Variants in CLDN16 observed in about 807,000 individuals in gnomAD.
CLDN16 encodes the protein claudin-16.
CLDN16 carries 13 observed loss-of-function variants against 24.6 expected under a neutral mutation model. The observed-to-expected ratio is 0.53, with a 90% CI of 0.34 to 0.84. The LOEUF (loss-of-function observed/expected upper bound fraction) is 0.84. CLDN16 is among the 40% of genes least tolerant of loss of function. The pLI is 0.01. For missense variants in CLDN16, 298 were observed against 292.7 expected (o/e 1.02, Z -0.13); for synonymous variants, 116 against 106.7 (o/e 1.09, Z -0.54).
chr3:190,371,909 C>T (rs538457939), intron 2 of CLDN16, among the ~76,000 whole-genome samples: 60 of 152,034 alleles, frequency 3.9e-4, no homozygotes, highest in South Asian at 1.5e-3. Flanking sequence ...CCCAGGTCAC[C>T]GAACATCTAC....
the CLDN16 span, among the ~76,000 whole-genome samples, chr3:190,296,856 T>C: frequency 6.6e-6 from 1 of 152,234 alleles, no homozygotes; most frequent in East Asian, 1.9e-4. Flanking sequence ...GGCCCAGATT[T>C]AATTTTAAGT....
chr3:190,370,442 A>G (rs62278670), intron 1 of CLDN16, among the ~76,000 whole-genome samples: 51,162 of 151,822 alleles, frequency 0.34, 9,276 homozygotes, highest in Middle Eastern at 0.53. Flanking sequence ...CATCTTGGTT[A>G]TCATCACTAC....
At chr3:190,331,336 C>T (rs1054868581) in intron 1 of CLDN16, among the ~76,000 whole-genome samples, 2 of 152,154 alleles carry the variant, frequency 1.3e-5, no homozygotes, top group African/African-American at 4.8e-5. Flanking sequence ...CTAAACACAG[C>T]TCCAGGATTT....
intron 3 of CLDN16, among the ~76,000 whole-genome samples, chr3:190,379,205 C>T (rs1174741457): frequency 6.6e-6 from 1 of 152,034 alleles, no homozygotes; most frequent in Non-Finnish European, 1.5e-5. Context: ...CTGAAGTGTA[C>T]CTTGGACTGA....
At chr3:190,399,183 T>A (rs1361999451) in intron 1 of CLDN16, among the ~76,000 whole-genome samples, 2 of 152,192 alleles carry the variant, frequency 1.3e-5, no homozygotes, top group Admixed American at 1.3e-4. Flanking sequence ...TACTTTATTT[T>A]AAAATGGATT....
upstream of CLDN16, among the ~76,000 whole-genome samples, chr3:190,319,167 C>T (rs1716850861): frequency 6.6e-6 from 1 of 152,100 alleles, no homozygotes; most frequent in African/African-American, 2.4e-5. Flanking sequence ...TTTAAGCAAG[C>T]ACATAAAATT....
intron 1 of CLDN16, among the ~76,000 whole-genome samples, chr3:190,334,000 G>A (rs1303277508): frequency 1.3e-5 from 2 of 152,010 alleles, no homozygotes; most frequent in Non-Finnish European, 2.9e-5. Context: ...AGGAGGAGGG[G>A]CTAGAGTTGC....
At chr3:190,351,108 A>C (rs2108635714) in intron 1 of CLDN16, among the ~76,000 whole-genome samples, 1 of 148,040 alleles carries the variant, frequency 6.8e-6, no homozygotes, top group African/African-American at 2.5e-5. Context: ...AAGACTGTGC[A>C]CTCCCCCCCA....
At chr3:190,407,606 C>T (rs1015354403) in intron 3 of CLDN16, among the ~76,000 whole-genome samples, 5 of 152,136 alleles carry the variant, frequency 3.3e-5, no homozygotes, top group Non-Finnish European at 5.9e-5. Flanking sequence ...AATAACAGGA[C>T]ACTAGTGGCG....
Position 190,393,911 on chromosome 3 carries a change from C to T in CLDN16, c.114+5468C>T, listed in dbSNP as rs139366782. ...GACTACAGGCAAGCACCACCACACC[C>T]GGCTAATTTTTTTGTATTTTTTGTA... On this transcript the variant is annotated intron_variant, in intron 1 of 4. Transcript: ENST00000264734. 2.8e-3 allele frequency among the ~76,000 whole-genome samples: 426 copies of T among 151,956 alleles called. 4 individuals carry two copies. The highest frequency in any genetic ancestry group is 9.5e-3 in the African/African-American group (393 of 41,454).
the CLDN16 span, among the ~76,000 whole-genome samples, chr3:190,299,130 A>C: frequency 4.6e-5 from 7 of 152,308 alleles, no homozygotes; most frequent in East Asian, 1.3e-3. Context: ...TCTTGTGGAC[A>C]TGAGTCTGGT....
At chr3:190,313,203 T>TGACTAGGAATCTAGAGACCCCAGTCATA in the CLDN16 span, 1 of 655,976 alleles carries the variant, frequency 1.5e-6, no homozygotes, top group Non-Finnish European at 2.6e-6. Context: ...ATATACAGTA[T>TGACTAGGAATCTAGAGACCCCAGTCATA]CTTCTCCAGA....
chr3:190,367,168 C>T (rs914926581), intron 1 of CLDN16, among the ~76,000 whole-genome samples: 24 of 151,838 alleles, frequency 1.6e-4, no homozygotes, highest in Non-Finnish European at 2.5e-4. Context: ...ATATTCTTTT[C>T]TTCTTTGTTT....
At chr3:190,347,479 G>A (rs1717576096) in intron 1 of CLDN16, among the ~76,000 whole-genome samples, 1 of 152,196 alleles carries the variant, frequency 6.6e-6, no homozygotes, top group Admixed American at 6.5e-5. Flanking sequence ...AGAAAGGTCT[G>A]TGTTAGACCA....
chr3:190,383,423 A>G (rs1347996842), upstream of CLDN16, among the ~76,000 whole-genome samples: 1 of 152,112 alleles, frequency 6.6e-6, no homozygotes, highest in Non-Finnish European at 1.5e-5. Context: ...TAAGAAATCT[A>G]AGGAACAAAA....
chr3:190,359,291 G>A (rs768973897), intron 1 of CLDN16, among the ~76,000 whole-genome samples: 6 of 151,976 alleles, frequency 3.9e-5, no homozygotes, highest in Non-Finnish European at 7.4e-5. Context: ...TTTAAATTCA[G>A]ACATTACACA....
At chr3:190,334,951 G>T (rs1012064604) in intron 1 of CLDN16, among the ~76,000 whole-genome samples, 7 of 151,370 alleles carry the variant, frequency 4.6e-5, no homozygotes, top group Admixed American at 2.0e-4. Flanking sequence ...CTCGTTGTGG[G>T]TTCAGTCTAA....
At chr3:190,364,295 T>C (rs916877724) in intron 1 of CLDN16, among the ~76,000 whole-genome samples, 1 of 151,868 alleles carries the variant, frequency 6.6e-6, no homozygotes, top group African/African-American at 2.4e-5. Context: ...AGTATTGCAG[T>C]GGTGTATGGC....
intron 1 of CLDN16, among the ~76,000 whole-genome samples, chr3:190,334,220 G>T (rs886263849): frequency 2.6e-5 from 4 of 152,238 alleles, no homozygotes; most frequent in African/African-American, 9.6e-5. Context: ...CTATACGTGT[G>T]TGTTTAGCAC....
Sources: allele counts gnomAD v4.1 joint callset (sites outside exome capture counted in the v4.1 genomes callset), GRCh38; gene constraint gnomAD v4.1.1; transcripts MANE v1.5; gene names NCBI Gene and HGNC (gene_info 2026-07-23, HGNC 2026-07-21).